The following PDE4D variants were observed in gnomAD, a reference collection of about 807,000 sequenced individuals.
The protein encoded by PDE4D is 3',5'-cyclic-AMP phosphodiesterase 4D.
Under a neutral mutation model 87.4 loss-of-function variants are expected in PDE4D, and 24 were observed. The ratio of observed to expected loss-of-function variants is 0.27; its 90% CI spans 0.20 to 0.39. The LOEUF (loss-of-function observed/expected upper bound fraction) is 0.39. Among genes scored for constraint, PDE4D ranks in the 10% least tolerant of loss-of-function variants. PDE4D has a pLI of 1.00. For missense variants in PDE4D, 714 were observed against 1,041.0 expected (o/e 0.69, Z 4.32); for synonymous variants, 384 against 383.2 (o/e 1.00, Z -0.02).
At chr5:59,607,755 G>A (rs1380601855) in intron 1 of PDE4D, among the ~76,000 whole-genome samples, 1 of 152,044 alleles carries the variant, frequency 6.6e-6, no homozygotes, top group Non-Finnish European at 1.5e-5. Context: ...CCACAATGCG[G>A]AAACAATAAA....
chr5:60,501,273 A>G (rs1210188749), intron 1 of PDE4D, among the ~76,000 whole-genome samples: 1 of 151,974 alleles, frequency 6.6e-6, no homozygotes, highest in African/African-American at 2.4e-5. Flanking sequence ...TTCTTGCGAT[A>G]GTTTACTGAG....
chr5:59,619,435 T>C (rs1006832448), intron 1 of PDE4D, among the ~76,000 whole-genome samples: 1 of 152,204 alleles, frequency 6.6e-6, no homozygotes, highest in Non-Finnish European at 1.5e-5. Flanking sequence ...ATCACAATCA[T>C]CTGTGGAATT....
intron 5 of PDE4D, among the ~76,000 whole-genome samples, chr5:59,170,294 G>T (rs1782556782): frequency 6.6e-6 from 1 of 152,154 alleles, no homozygotes; most frequent in African/African-American, 2.4e-5. Flanking sequence ...TGGAATTACA[G>T]GTGTGAGCCA....
chr5:60,006,300 C>T (rs140374247), intron 2 of PDE4D, among the ~76,000 whole-genome samples: 295 of 145,530 alleles, frequency 2.0e-3, no homozygotes, highest in African/African-American at 7.4e-3. Context: ...ATTACTTTCG[C>T]GCCAACCAAT....
At chr5:60,432,216 T>C (rs1727492859) in intron 1 of PDE4D, among the ~76,000 whole-genome samples, 1 of 152,206 alleles carries the variant, frequency 6.6e-6, no homozygotes, top group Non-Finnish European at 1.5e-5. Context: ...CTGAAGTTTT[T>C]ACGTTGTTGT....
intron 1 of PDE4D, among the ~76,000 whole-genome samples, chr5:59,556,011 C>T (rs1818845211): frequency 6.6e-6 from 1 of 152,114 alleles, no homozygotes; most frequent in Non-Finnish European, 1.5e-5. Flanking sequence ...GCTCAGTTTC[C>T]TCTATTTCTC....
intron 1 of PDE4D, among the ~76,000 whole-genome samples, chr5:59,388,409 C>A (rs1014185104): frequency 5.9e-5 from 9 of 151,912 alleles, no homozygotes; most frequent in African/African-American, 1.9e-4. Context: ...ATTCACATAG[C>A]CATTATGGAA....
At chr5:60,209,111 T>C (rs535098205) in intron 1 of PDE4D, among the ~76,000 whole-genome samples, 3 of 152,006 alleles carry the variant, frequency 2.0e-5, no homozygotes, top group Admixed American at 6.6e-5. Flanking sequence ...GAAACCTCTA[T>C]GTACAGTCAA....
At chr5:59,668,151 C>T (rs1746382875) in intron 1 of PDE4D, among the ~76,000 whole-genome samples, 1 of 152,174 alleles carries the variant, frequency 6.6e-6, no homozygotes, top group Non-Finnish European at 1.5e-5. Context: ...GATTCAGGTA[C>T]TCCTCTGTAA....
intron 1 of PDE4D, among the ~76,000 whole-genome samples, chr5:60,256,688 A>G (rs1327116690): frequency 6.6e-6 from 1 of 151,948 alleles, no homozygotes; most frequent in Non-Finnish European, 1.5e-5. Flanking sequence ...GTAAGGCAAC[A>G]TATTTTGAAT....
chr5:59,257,715 T>TA (rs2153533455), intron 1 of PDE4D, among the ~76,000 whole-genome samples: 1 of 152,154 alleles, frequency 6.6e-6, no homozygotes, highest in East Asian at 1.9e-4. Flanking sequence ...AGTGAGATCT[T>TA]ACACCTAATA....
chr5:59,966,912 G>C (rs1406964721), intron 3 of PDE4D, among the ~76,000 whole-genome samples: 1 of 152,094 alleles, frequency 6.6e-6, no homozygotes, highest in East Asian at 1.9e-4. Flanking sequence ...GATATTCCTA[G>C]CAGAGAACTT....
At position 59,893,191 on chromosome 5, in the gene PDE4D, G is replaced by A. The variant is rs1434807001; in HGVS notation, c.432C>T (p.Pro144=). 1.3e-6 allele frequency: 2 copies of A among 1,565,772 alleles called. No individual in the cohort carries two copies. Among genetic ancestry groups the A allele is most frequent in the Non-Finnish European group, 1.7e-6 (2 of 1,155,172 alleles). The change falls in exon 1 of 15, where the codon CCC becomes CCT. Residue 144 remains proline (P), a synonymous_variant. Transcript: ENST00000340635. The part of the protein sequence containing the change: ...PGLKKSRMSW[P]SSFQGLRRFD... The stretch of plus-strand genomic sequence containing the variant: ...ACCGCCTGAGTCCCTGGAACGAGGA[G>A]GGCCAGGACATCCTGGATTTCTTCA...
chr5:59,016,317 T>C (rs1753967076), intron 6 of PDE4D, among the ~76,000 whole-genome samples: 1 of 151,602 alleles, frequency 6.6e-6, no homozygotes, highest in African/African-American at 2.4e-5. Flanking sequence ...CGCTGTATTC[T>C]TTTTGAATCC....
intron 1 of PDE4D, among the ~76,000 whole-genome samples, chr5:60,338,984 AT>A: frequency 6.6e-6 from 1 of 152,144 alleles, no homozygotes; most frequent in East Asian, 1.9e-4. Flanking sequence ...ATCAGAACAC[AT>A]TTCTGTTTAT....
intron 1 of PDE4D, among the ~76,000 whole-genome samples, chr5:59,221,707 C>G (rs1487732791): frequency 6.6e-6 from 1 of 152,012 alleles, no homozygotes; most frequent in Non-Finnish European, 1.5e-5. Flanking sequence ...CTGAACATAA[C>G]AGTAGGGTGT....
intron 1 of PDE4D, among the ~76,000 whole-genome samples, chr5:60,376,044 C>A (rs931586379): frequency 6.6e-6 from 1 of 152,092 alleles, no homozygotes; most frequent in Admixed American, 6.5e-5. Context: ...TCTAAACATA[C>A]GTATATATAT....
intron 1 of PDE4D, among the ~76,000 whole-genome samples, chr5:60,192,998 T>C (rs1007218416): frequency 1.3e-5 from 2 of 152,224 alleles, no homozygotes; most frequent in Non-Finnish European, 2.9e-5. Flanking sequence ...TGTTAGACTT[T>C]GTTTTTGGGA....
chr5:60,519,943 G>A (rs1750961873), intron 1 of PDE4D, among the ~76,000 whole-genome samples: 1 of 152,294 alleles, frequency 6.6e-6, no homozygotes, highest in Non-Finnish European at 1.5e-5. Flanking sequence ...CCTACTTGGA[G>A]TAAATGGATT....
Sources: allele counts gnomAD v4.1 joint callset (sites outside exome capture counted in the v4.1 genomes callset), GRCh38; gene constraint gnomAD v4.1.1; transcripts MANE v1.5; gene names NCBI Gene and HGNC (gene_info 2026-07-23, HGNC 2026-07-21).